HDAC9: variants seen among roughly 807,000 people sequenced by gnomAD.
The protein encoded by HDAC9 is histone deacetylase 9, also known as MEF-2 interacting transcription repressor (MITR) protein.
In HDAC9, 41 loss-of-function variants were observed where a neutral mutation model predicts 139.4. The ratio of observed to expected loss-of-function variants is 0.29; its 90% CI spans 0.23 to 0.38. HDAC9 has a LOEUF of 0.38. Among genes scored for constraint, HDAC9 ranks in the 10% least tolerant of loss-of-function variants. The pLI is 1.00. For synonymous variants in HDAC9, 517 were observed against 476.2 expected, an observed-to-expected ratio of 1.09 and a Z score of -1.12; for missense variants, 1,147 against 1,297.0, an observed-to-expected ratio of 0.88 and a Z score of 1.78.
intron 1 of HDAC9, among the ~76,000 whole-genome samples, chr7:18,155,090 TTTC>T (rs1158515492): frequency 4.2e-5 from 6 of 141,938 alleles, no homozygotes; most frequent in South Asian, 2.2e-4. Context: ...TCTTTCTTTC[TTTC>T]TTTTTTTTTT....
At chr7:18,588,025 A>G (rs552949660) in intron 3 of HDAC9, among the ~76,000 whole-genome samples, 11 of 152,332 alleles carry the variant, frequency 7.2e-5, no homozygotes, top group Non-Finnish European at 1.3e-4. Flanking sequence ...TTTCATTACA[A>G]TGGAATAATA....
intron 1 of HDAC9, among the ~76,000 whole-genome samples, chr7:18,142,312 A>G (rs1451751362): frequency 6.6e-6 from 1 of 152,182 alleles, no homozygotes; most frequent in Non-Finnish European, 1.5e-5. Flanking sequence ...TGTGTTTCCA[A>G]AACAATCAGT....
rs924319332 is a variant in HDAC9, at chr7:18,994,662, ATCTT to A, written c.3171-1355_3171-1352del. ...TTTTGATTACCCTCCTATGGTTAAA[ATCTT>A]TCTTTTAATGTTTTAGATTTGTTAT... On this transcript the variant is annotated intron_variant, in intron 25 of 25. Transcript: ENST00000686413. Among the ~76,000 whole-genome samples the A allele has an allele frequency of 7.9e-5, 12 of 152,284 alleles. No homozygotes were observed. The East Asian group carries it at 2.1e-3, about 27-fold the overall frequency.
chr7:18,241,396 A>G (rs1040911034), intron 2 of HDAC9, among the ~76,000 whole-genome samples: 1 of 151,942 alleles, frequency 6.6e-6, no homozygotes, highest in African/African-American at 2.4e-5. Context: ...TCTTTCCATT[A>G]TTGGGAGCTC....
intron 12 of HDAC9, among the ~76,000 whole-genome samples, chr7:18,707,680 G>A (rs1784032838): frequency 6.6e-6 from 1 of 152,134 alleles, no homozygotes; most frequent in African/African-American, 2.4e-5. Context: ...TTCATGCATG[G>A]TGGATATGGG....
chr7:18,931,294 C>T (rs1250779290), intron 22 of HDAC9, among the ~76,000 whole-genome samples: 1 of 152,078 alleles, frequency 6.6e-6, no homozygotes, highest in African/African-American at 2.4e-5. Context: ...TTTTTATTGT[C>T]ATCCCGGTAA....
At chr7:18,527,188 A>G (rs539663190) in intron 2 of HDAC9, among the ~76,000 whole-genome samples, 47 of 152,272 alleles carry the variant, frequency 3.1e-4, no homozygotes, top group African/African-American at 1.0e-3. Context: ...AAGGACTAGG[A>G]AGTGGTAGTG....
At chr7:18,452,344 A>G (rs916670633) in intron 1 of HDAC9, among the ~76,000 whole-genome samples, 4 of 152,258 alleles carry the variant, frequency 2.6e-5, no homozygotes, top group Admixed American at 2.6e-4. Context: ...TACGCGTATG[A>G]CACTCTGAGG....
chr7:18,729,514 A>C (rs954560945), intron 13 of HDAC9, among the ~76,000 whole-genome samples: 1 of 152,114 alleles, frequency 6.6e-6, no homozygotes, highest in Non-Finnish European at 1.5e-5. Context: ...TCTGAATATT[A>C]GAGAGAACCT....
chr7:18,906,905 G>A (rs1802308627), intron 22 of HDAC9: 1 of 152,196 alleles, frequency 6.6e-6, no homozygotes, highest in Admixed American at 6.5e-5. Context: ...TTTAAGCCCT[G>A]GAAAGCCCTG....
intron 1 of HDAC9, among the ~76,000 whole-genome samples, chr7:18,307,641 A>G (rs1289167427): frequency 6.6e-6 from 1 of 152,038 alleles, no homozygotes; most frequent in Non-Finnish European, 1.5e-5. Flanking sequence ...TGCCTCTATT[A>G]AAAATACAAA....
chr7:18,234,671 A>G (rs1030641430), intron 2 of HDAC9, among the ~76,000 whole-genome samples: 1 of 152,210 alleles, frequency 6.6e-6, no homozygotes, highest in Non-Finnish European at 1.5e-5. Flanking sequence ...CTTAACCAGC[A>G]TGTCCTATTG....
At chr7:18,549,479 T>A (rs1816362699) in intron 2 of HDAC9, among the ~76,000 whole-genome samples, 2 of 152,100 alleles carry the variant, frequency 1.3e-5, no homozygotes, top group African/African-American at 4.8e-5. Context: ...GCAATAAAAA[T>A]GAATGTACTG....
At chr7:18,561,617 ATAAT>A (rs1183055721) in intron 2 of HDAC9, among the ~76,000 whole-genome samples, 2 of 151,490 alleles carry the variant, frequency 1.3e-5, no homozygotes, top group African/African-American at 4.9e-5. Context: ...ACTACCAGCC[ATAAT>A]TAATCACTAA....
rs1486347953 is a variant in HDAC9, at chr7:18,093,027, G to A, written c.-97+5814G>A. Among the ~76,000 whole-genome samples the A allele has an allele frequency of 2.6e-5, 4 of 152,182 alleles. No individual in the cohort carries two copies. The East Asian group carries it at 7.7e-4, about 29-fold the overall frequency. On this transcript the variant is annotated intron_variant, in intron 1 of 12. Transcript: ENST00000417496. ...GTCTACCCTCATTTTATAGAAAGGA[G>A]TAGAGCTAAGGACCATTGTACTATA...
At chr7:18,730,292 GA>G (rs1285512309) in intron 13 of HDAC9, among the ~76,000 whole-genome samples, 2 of 152,160 alleles carry the variant, frequency 1.3e-5, no homozygotes, top group Non-Finnish European at 2.9e-5. Flanking sequence ...CCTGTAGCCT[GA>G]AAACTACTGT....
At chr7:18,321,774 G>T (rs530326306) in intron 1 of HDAC9, among the ~76,000 whole-genome samples, 1 of 151,974 alleles carries the variant, frequency 6.6e-6, no homozygotes, top group Non-Finnish European at 1.5e-5. Flanking sequence ...GATGAGACGC[G>T]CCCTGGTGCA....
chr7:18,629,284 C>T, intron 6 of HDAC9, 66 bp from the exon 7 acceptor site: 5 of 1,347,082 alleles, frequency 3.7e-6, no homozygotes, highest in Non-Finnish European at 4.9e-6. Flanking sequence ...TTTTTTAACA[C>T]ATGAGCAATT....
intron 12 of HDAC9, among the ~76,000 whole-genome samples, chr7:18,713,206 G>T (rs573310703): frequency 1.3e-5 from 2 of 152,158 alleles, no homozygotes; most frequent in Admixed American, 1.3e-4. Context: ...GTTGATAGAT[G>T]TGACAATTTA....
Sources: allele counts gnomAD v4.1 joint callset (sites outside exome capture counted in the v4.1 genomes callset), GRCh38; gene constraint gnomAD v4.1.1; transcripts MANE v1.5; gene names NCBI Gene and HGNC (gene_info 2026-07-23, HGNC 2026-07-21).